TNRC18: variants seen among roughly 807,000 people sequenced by gnomAD.
The protein encoded by TNRC18 is trinucleotide repeat containing 18, also known as trinucleotide repeat-containing gene 18 protein.
In TNRC18, 69 loss-of-function variants were observed where a neutral mutation model predicts 226.7. The ratio of observed to expected loss-of-function variants is 0.30; its 90% CI spans 0.25 to 0.37. The LOEUF is 0.37. TNRC18 is among the 10% of genes least tolerant of loss of function. The probability of loss-of-function intolerance (pLI) is 1.00; values close to 1 mark genes in which losing one functional copy is unlikely to be tolerated. For missense variants in TNRC18, 4,754 were observed against 4,256.6 expected (o/e 1.12, Z -3.25); for synonymous variants, 2,449 against 1,927.6 (o/e 1.27, Z -7.09).
intron 11 of TNRC18, among the ~76,000 whole-genome samples, chr7:5,363,606 T>G (rs1164205728): frequency 6.6e-6 from 1 of 151,774 alleles, no homozygotes; most frequent in Non-Finnish European, 1.5e-5. Flanking sequence ...TCCATCTCAA[T>G]CAATCAATCA....
At chr7:5,383,443 G>A (rs1779537711) in intron 5 of TNRC18, among the ~76,000 whole-genome samples, 1 of 152,180 alleles carries the variant, frequency 6.6e-6, no homozygotes, top group South Asian at 2.1e-4. Context: ...CACCCACTAT[G>A]TGCCCGTCAG....
At chr7:5,374,884 T>C (rs900241182) in intron 9 of TNRC18, among the ~76,000 whole-genome samples, 43 of 152,220 alleles carry the variant, frequency 2.8e-4, no homozygotes, top group African/African-American at 1.0e-3. Context: ...CCTGCTTCAC[T>C]GCGTCATCAT....
intron 4 of TNRC18, chr7:5,390,067 G>A (rs1780174487): frequency 1.1e-5 from 3 of 282,150 alleles, no homozygotes; most frequent in South Asian, 2.7e-4. Flanking sequence ...AGGGACTCAG[G>A]TCTCAAAAAA....
chr7:5,332,111 T>C (rs1193737143), intron 19 of TNRC18, among the ~76,000 whole-genome samples: 1 of 152,160 alleles, frequency 6.6e-6, no homozygotes, highest in East Asian at 1.9e-4. Context: ...AGTCGTCTTC[T>C]GAGACAGGAG....
At chr7:5,333,613 G>A (rs1318081065) in intron 18 of TNRC18, among the ~76,000 whole-genome samples, 1 of 151,886 alleles carries the variant, frequency 6.6e-6, no homozygotes, top group East Asian at 1.9e-4. Context: ...CCTCTGTCCT[G>A]GATCCTGGGT....
chr7:5,365,222 C>T, intron 11 of TNRC18, among the ~76,000 whole-genome samples: 1 of 152,216 alleles, frequency 6.6e-6, no homozygotes, highest in Non-Finnish European at 1.5e-5. Flanking sequence ...AGCAATCACC[C>T]TGCCTCAGCC....
chr7:5,331,243 C>G (rs757337030), intron 19 of TNRC18, among the ~76,000 whole-genome samples: 1 of 152,018 alleles, frequency 6.6e-6, no homozygotes, highest in Non-Finnish European at 1.5e-5. Flanking sequence ...GACAGAATAC[C>G]GTCAAAACCT....
Position 5,371,277 on chromosome 7 carries a change from T to G in TNRC18, c.3317A>C (p.Asp1106Ala), listed in dbSNP as rs758823974. 22 of 1,586,908 alleles carry G rather than the reference T, an allele frequency of 1.4e-5. No individual in the cohort carries two copies. The African/African-American group carries it at 1.9e-4, about 14-fold the overall frequency. Residue 1106 changes from aspartate (D) to alanine (A), a missense_variant, in exon 11 of 30, where the codon GAC becomes GCC. Asp to Ala is a moderately radical substitution (Grantham distance 126, BLOSUM62 -2). Transcript: ENST00000430969. ...CACATCAGGGGCCAAGCCGTCCGCGTCGGCGGCGGCCGTGGGCTGCAGCAG... is the reference window on the plus strand; with the variant it reads ...CACATCAGGGGCCAAGCCGTCCGCGGCGGCGGCGGCCGTGGGCTGCAGCAG... ...PFLLQPTAAA[D>A]ADGLAPDVPL...
intron 15 of TNRC18, 26 bp from the exon 16 acceptor site, chr7:5,357,302 T>TCAC: frequency 6.3e-7 from 1 of 1,590,014 alleles, no homozygotes; most frequent in South Asian, 1.1e-5. Flanking sequence ...GGGTCATGGG[T>TCAC]TAAAAGATCT....
chr7:5,356,862 G>A lies in TNRC18; in HGVS notation c.5194+54C>T, dbSNP rs192830328. On this transcript the variant is annotated intron_variant, in intron 16 of 29. Transcript: ENST00000430969. Reference sequence around the variant, plus strand: ...GGAAGGAGGACGGTGGAGAGAAGAGGGGAGAAAAGGAGAGAAGCAGCGGAC... The same window carrying A: ...GGAAGGAGGACGGTGGAGAGAAGAGAGGAGAAAAGGAGAGAAGCAGCGGAC... 261 of 1,478,654 alleles carry A rather than the reference G, an allele frequency of 1.8e-4. 1 individual carries two copies. The African/African-American group carries it at 3.1e-3, about 17-fold the overall frequency. The allele number at this position is 1,478,654 out of a possible 1,614,324, so 91.6% of individuals were successfully genotyped here. A position where few individuals can be genotyped will look rare whatever the true frequency, so the allele number is the denominator to read the frequency against.
chr7:5,350,793 T>C (rs1476391533), intron 17 of TNRC18, among the ~76,000 whole-genome samples: 2 of 152,148 alleles, frequency 1.3e-5, no homozygotes, highest in Non-Finnish European at 2.9e-5. Flanking sequence ...CCGAGGTGGC[T>C]GAGGACCCCG....
intron 2 of TNRC18, among the ~76,000 whole-genome samples, chr7:5,401,235 G>T (rs1204289746): frequency 1.4e-5 from 2 of 141,124 alleles, no homozygotes; most frequent in African/African-American, 5.2e-5. Flanking sequence ...GTCGGGGGGG[G>T]GCGGGGGGGC....
chr7:5,390,192 C>T (rs1780181676), intron 4 of TNRC18: 1 of 510,988 alleles, frequency 2.0e-6, no homozygotes, highest in Non-Finnish European at 3.4e-6. Flanking sequence ...AGCAAGACTC[C>T]ACCTCTACAG....
intron 5 of TNRC18, among the ~76,000 whole-genome samples, chr7:5,383,500 T>A (rs1254584602): frequency 6.6e-6 from 1 of 152,190 alleles, no homozygotes; most frequent in African/African-American, 2.4e-5. Flanking sequence ...GCCAGAGGGC[T>A]CGAGGCTCTT....
At position 5,361,279 on chromosome 7, in the gene TNRC18, G is replaced by A. The variant is rs541461850; in HGVS notation, c.4661+315C>T. ...GCAGCCCAGCGGGTCCTTCCGCAGG[G>A]AGGAGGCGCGTGGAAAAGAGGAGGA... On this transcript the variant is annotated intron_variant, in intron 14 of 29. Transcript: ENST00000430969. 3.9e-5 allele frequency among the ~76,000 whole-genome samples: 6 copies of A among 152,344 alleles called. No homozygotes were observed. The East Asian group carries it at 9.6e-4, about 24-fold the overall frequency.
chr7:5,348,269 C>A (rs1041630913), intron 17 of TNRC18, among the ~76,000 whole-genome samples: 1 of 152,214 alleles, frequency 6.6e-6, no homozygotes, highest in African/African-American at 2.4e-5. Flanking sequence ...CACCCATGAG[C>A]AGGTGACAGG....
chr7:5,413,345 C>T (rs1562639687), intron 2 of TNRC18, among the ~76,000 whole-genome samples: 1 of 152,134 alleles, frequency 6.6e-6, no homozygotes, highest in Non-Finnish European at 1.5e-5. Context: ...AAGTGGTTCG[C>T]ACCCAAGCCA....
chr7:5,332,490 C>G lies in TNRC18; in HGVS notation c.6147+132G>C, dbSNP rs1322381540. ...TGTGGCTAAGTCCTAGCAGGGGCTC[C>G]GGGCGGGCCTGGAGCCGAGTACATG... is the stretch of plus-strand genomic sequence containing the variant. On this transcript the variant is annotated intron_variant, in intron 19 of 29. Coordinates refer to ENST00000430969, the MANE Select transcript of TNRC18 (RefSeq NM_001080495.3). 9.0e-6 allele frequency: 9 copies of G among 1,003,774 alleles called. No individual in the cohort carries two copies. The East Asian group carries it at 2.9e-4, about 32-fold the overall frequency. 62.2% of individuals were successfully genotyped at this position (1,003,774 alleles called of 1,614,324 possible).
At chr7:5,348,398 A>T (rs1321366506) in intron 17 of TNRC18, among the ~76,000 whole-genome samples, 1 of 152,128 alleles carries the variant, frequency 6.6e-6, no homozygotes. Flanking sequence ...CTTTCTCTCC[A>T]GGGCGGGGAG....
Sources: gnomAD v4.1 joint callset for allele counts (sites outside exome capture counted in the v4.1 genomes callset) on GRCh38, gnomAD v4.1.1 for gene constraint, MANE v1.5 for transcripts, NCBI Gene and HGNC (gene_info 2026-07-23, HGNC 2026-07-21) for gene names.